The following DHX8 variants were observed in gnomAD, a reference collection of about 807,000 sequenced individuals.
DHX8 encodes DEAH-box helicase 8.
A neutral mutation model predicts 140.7 loss-of-function variants in DHX8; 67 were observed. The observed-to-expected ratio is 0.48, with a 90% confidence interval of 0.39 to 0.58. The LOEUF is 0.58. DHX8 is among the 20% of genes least tolerant of loss of function. The probability of loss-of-function intolerance (pLI) is 0.00; values close to 1 mark genes in which losing one functional copy is unlikely to be tolerated. For missense variants in DHX8, 887 were observed against 1,550.7 expected, an observed-to-expected ratio of 0.57 and a Z score of 7.19; for synonymous variants, 533 against 553.2, an observed-to-expected ratio of 0.96 and a Z score of 0.51.
At chr17:43,484,423 G>A (rs57702542) in intron 1 of DHX8, among the ~76,000 whole-genome samples, 2 of 152,014 alleles carry the variant, frequency 1.3e-5, no homozygotes, top group African/African-American at 4.8e-5. Flanking sequence ...ATCTCTGCTT[G>A]ATTGTTTTTT....
downstream of DHX8, chr17:43,528,762 T>A (rs1393328154): frequency 6.2e-7 from 1 of 1,608,948 alleles, no homozygotes; most frequent in East Asian, 2.2e-5. Context: ...AGAGAGAAGG[T>A]CTGGTCAGCC....
intron 11 of DHX8, among the ~76,000 whole-genome samples, chr17:43,504,366 T>A (rs532976396): frequency 4.5e-4 from 68 of 152,194 alleles, no homozygotes; most frequent in Non-Finnish European, 4.4e-5. Flanking sequence ...TAAAAAAAAA[T>A]AATTCCAGTG....
chr17:43,535,866 A>G (rs1481917611), intron 2 of DHX8, among the ~76,000 whole-genome samples: 1 of 152,328 alleles, frequency 6.6e-6, no homozygotes, highest in East Asian at 1.9e-4. Flanking sequence ...TAGTCCCAAC[A>G]CTATGGGAGG....
In DHX8 at chr17:43,489,353, A is replaced by G. The variant is rs558041323; in HGVS notation, c.149-96A>G. On this transcript the variant is annotated intron_variant, in intron 1 of 22. Coordinates refer to ENST00000262415, the MANE Select transcript of DHX8 (RefSeq NM_004941.3). ...CAGATGGTGGTCTTTGTTTTTTATT[A>G]CTGTTGGATAACCTAATTAGTTTTG... The G allele has an allele frequency of 1.8e-5, 15 of 816,336 alleles. No homozygotes were observed. In the East Asian group the frequency reaches 3.8e-4, roughly 21 times the overall value. The allele number at this position is 816,336 out of a possible 1,614,324, so 50.6% of individuals were successfully genotyped here.
At chr17:43,507,772 A>T (rs1354293045) in intron 14 of DHX8, 37 bp from the exon 15 acceptor site, 12 of 1,613,300 alleles carry the variant, frequency 7.4e-6, no homozygotes, top group Non-Finnish European at 1.0e-5. Flanking sequence ...GTCTTTGGGT[A>T]GTCCTTTTCA....
chr17:43,526,718 C>T, downstream of DHX8: 11 of 1,442,460 alleles, frequency 7.6e-6, no homozygotes, highest in South Asian at 1.6e-4. Flanking sequence ...TCAGGGTTTC[C>T]ACCGATTTTT....
At chr17:43,512,539 C>A (rs138819948) in intron 16 of DHX8, among the ~76,000 whole-genome samples, 46 of 152,194 alleles carry the variant, frequency 3.0e-4, no homozygotes, top group Non-Finnish European at 5.6e-4. Context: ...TGGAAGATGG[C>A]ACTGAGGAGG....
chr17:43,520,305 A>G, intron 19 of DHX8, 38 bp downstream of exon 19: 1 of 1,606,844 alleles, frequency 6.2e-7, no homozygotes, highest in African/African-American at 1.3e-5. Context: ...TTTTGGGAAG[A>G]TTCCCTGGTC....
intron 12 of DHX8, 110 bp downstream of exon 12, chr17:43,504,935 C>T (rs908186208): frequency 7.7e-6 from 8 of 1,033,974 alleles, no homozygotes; most frequent in Non-Finnish European, 1.1e-5. Flanking sequence ...CTTGAAGTGG[C>T]TCATCCAAAA....
At chr17:43,543,824 A>G (rs923392353) in intron 3 of DHX8, 1 of 152,200 alleles carries the variant, frequency 6.6e-6, no homozygotes, top group African/African-American at 2.4e-5. Context: ...CTCTATGCTA[A>G]ATAGTCATTC....
chr17:43,484,273 C>A, intron 1 of DHX8, 88 bp downstream of exon 1: 2 of 1,418,408 alleles, frequency 1.4e-6, no homozygotes, highest in Non-Finnish European at 2.0e-6. Flanking sequence ...GTTGATGGAC[C>A]GAAAGTATGT....
intron 3 of DHX8, among the ~76,000 whole-genome samples, chr17:43,537,519 C>T (rs1252542189): frequency 6.6e-6 from 1 of 150,470 alleles, no homozygotes; most frequent in African/African-American, 2.5e-5. Context: ...CAAAGTGAAA[C>T]TCCCATCTCT....
chr17:43,528,707 C>T (rs1304464107), downstream of DHX8: 1 of 1,614,150 alleles, frequency 6.2e-7, no homozygotes, highest in South Asian at 1.1e-5. Context: ...GCCTCGGGCT[C>T]ACACACAAAC....
rs868502932 is a variant in DHX8, at chr17:43,509,532, G to A, written c.2502+1012G>A. Among the ~76,000 whole-genome samples the A allele has an allele frequency of 5.1e-4, 76 of 149,210 alleles. 1 individual carries two copies. In the Middle Eastern group the frequency reaches 0.014, roughly 27 times the overall value. ...GGGGTCTCAGTCTGTCACCCAAGGT[G>A]GAGTGCAGTGATGTGATCTCAGCTC... On this transcript the variant is annotated intron_variant, in intron 16 of 22. Transcript: ENST00000262415.
intron 14 of DHX8, 54 bp downstream of exon 14, chr17:43,507,742 A>T (rs9807051): frequency 6.2e-7 from 1 of 1,611,946 alleles, no homozygotes; most frequent in African/African-American, 1.3e-5. Context: ...GAATTCTGGC[A>T]GTTGGATTTG....
In DHX8 at chr17:43,521,390, CAGA is replaced by C. The variant is rs1188205605; in HGVS notation, c.3094_3096del (p.Lys1032del). 1 of 1,613,154 alleles carries C rather than the reference CAGA, an allele frequency of 6.2e-7. No homozygotes were observed. On this transcript the variant is annotated inframe_deletion, in exon 21 of 23. Transcript: ENST00000262415. The stretch of plus-strand genomic sequence containing the variant: ...GCAGGATAAACAAGCCCTTGCAGAT[CAGA>C]AGAAGGCCAAATTCCACCAGACTGA...
At chr17:43,521,713 T>TA (rs1214157325) in intron 21 of DHX8, 148 bp downstream of exon 21, 11 of 781,102 alleles carry the variant, frequency 1.4e-5, no homozygotes, top group Non-Finnish European at 2.2e-5. Context: ...CCATCTTTGT[T>TA]ATATTCCTTC....
intron 16 of DHX8, among the ~76,000 whole-genome samples, chr17:43,510,790 C>T (rs937294590): frequency 1.3e-5 from 2 of 152,142 alleles, no homozygotes; most frequent in African/African-American, 4.8e-5. Flanking sequence ...CCCATTTACT[C>T]CTCTGCTCAG....
At chr17:43,513,792 C>T (rs1969972795) in intron 17 of DHX8, among the ~76,000 whole-genome samples, 1 of 148,364 alleles carries the variant, frequency 6.7e-6, no homozygotes, top group Admixed American at 6.8e-5. Context: ...CGGCTCACTG[C>T]AACCTCTGCC....
Sources: allele counts gnomAD v4.1 joint callset (sites outside exome capture counted in the v4.1 genomes callset), GRCh38; gene constraint gnomAD v4.1.1; transcripts MANE v1.5; gene names NCBI Gene and HGNC (gene_info 2026-07-23, HGNC 2026-07-21).